UNC79: variants seen among roughly 807,000 people sequenced by gnomAD.
UNC79 encodes the protein unc-79 subunit of NALCN channel complex, also known as protein unc-79 homolog.
UNC79 carries 37 observed loss-of-function variants against 283.1 expected under a neutral mutation model. That is an observed-to-expected ratio of 0.13 (90% CI 0.10 to 0.17). The LOEUF is 0.17. Ranked by LOEUF, UNC79 falls within the 10% of genes least tolerant of loss-of-function variation. The probability of loss-of-function intolerance (pLI) is 1.00; values close to 1 mark genes in which losing one functional copy is unlikely to be tolerated. For missense variants in UNC79, 2,272 were observed against 3,211.1 expected, an observed-to-expected ratio of 0.71 and a Z score of 7.07; for synonymous variants, 1,107 against 1,200.2, an observed-to-expected ratio of 0.92 and a Z score of 1.61.
At chr14:93,439,676 T>C (rs1265679107) in intron 1 of UNC79, among the ~76,000 whole-genome samples, 1 of 152,166 alleles carries the variant, frequency 6.6e-6, no homozygotes, top group African/African-American at 2.4e-5. Flanking sequence ...GCATTGGTGT[T>C]ATCTGATCTT....
chr14:93,349,281 A>G (rs1431331331), intron 1 of UNC79, among the ~76,000 whole-genome samples: 4 of 152,240 alleles, frequency 2.6e-5, no homozygotes, highest in Non-Finnish European at 5.9e-5. Context: ...AGAAACACAT[A>G]TTCACCTGGC....
At chr14:93,367,006 T>G (rs762221000) in intron 1 of UNC79, among the ~76,000 whole-genome samples, 8 of 152,212 alleles carry the variant, frequency 5.3e-5, no homozygotes, top group Non-Finnish European at 1.2e-4. Flanking sequence ...CTGAGCCTCT[T>G]GTTTCACAGA....
intron 1 of UNC79, among the ~76,000 whole-genome samples, chr14:93,445,897 A>G (rs917587174): frequency 6.6e-6 from 1 of 152,130 alleles, no homozygotes; most frequent in Non-Finnish European, 1.5e-5. Flanking sequence ...AAATTTGTCT[A>G]GTTGCCATTT....
intron 14 of UNC79, among the ~76,000 whole-genome samples, chr14:93,548,407 G>GAC (rs1449351954): frequency 6.6e-6 from 1 of 152,144 alleles, no homozygotes; most frequent in East Asian, 1.9e-4. Context: ...ACTTTGCGGG[G>GAC]ACACAAATAT....
chr14:93,333,586 AAAAT>A, intron 1 of UNC79: 1 of 395,482 alleles, frequency 2.5e-6, no homozygotes, highest in East Asian at 3.6e-5. Context: ...AGTAGGTTAA[AAAAT>A]AATCTTTAAG....
At chr14:93,685,372 C>T (rs951607862) in intron 42 of UNC79, among the ~76,000 whole-genome samples, 6 of 152,012 alleles carry the variant, frequency 3.9e-5, no homozygotes, top group East Asian at 3.9e-4. Flanking sequence ...CTTTCTTGCA[C>T]GAAAGGATTA....
intron 10 of UNC79, among the ~76,000 whole-genome samples, chr14:93,529,629 G>A (rs1013982041): frequency 6.6e-6 from 1 of 152,152 alleles, no homozygotes; most frequent in Non-Finnish European, 1.5e-5. Flanking sequence ...AACAGGTGTT[G>A]TCAGTGATAA....
At chr14:93,510,709 C>T (rs2059777262) in intron 7 of UNC79, among the ~76,000 whole-genome samples, 2 of 152,178 alleles carry the variant, frequency 1.3e-5, no homozygotes, top group South Asian at 4.1e-4. Flanking sequence ...GCCTGGAATT[C>T]ATTGTCCATA....
intron 1 of UNC79, among the ~76,000 whole-genome samples, chr14:93,368,087 A>T (rs2139958483): frequency 6.6e-6 from 1 of 152,242 alleles, no homozygotes; most frequent in East Asian, 1.9e-4. Flanking sequence ...TTATCCTGGG[A>T]CCTTTAGTTA....
chr14:93,383,364 T>C (rs2054703832), intron 1 of UNC79, among the ~76,000 whole-genome samples: 1 of 152,172 alleles, frequency 6.6e-6, no homozygotes, highest in Non-Finnish European at 1.5e-5. Flanking sequence ...TCTAATAATC[T>C]ACAGGCATAC....
intron 4 of UNC79, among the ~76,000 whole-genome samples, chr14:93,485,527 A>G (rs1343027446): frequency 6.6e-6 from 1 of 152,104 alleles, no homozygotes; most frequent in Non-Finnish European, 1.5e-5. Flanking sequence ...CTTTGGCCCC[A>G]AAGAAGCTGA....
intron 2 of UNC79, among the ~76,000 whole-genome samples, chr14:93,472,591 G>A (rs903666095): frequency 3.3e-5 from 5 of 151,996 alleles, no homozygotes; most frequent in African/African-American, 4.8e-5. Flanking sequence ...AAAGGAAATC[G>A]AGGTAAATTA....
chr14:93,447,827 T>G (rs2056510015), intron 1 of UNC79, among the ~76,000 whole-genome samples: 1 of 152,148 alleles, frequency 6.6e-6, no homozygotes, highest in Non-Finnish European at 1.5e-5. Flanking sequence ...GCCTTCTTGG[T>G]TTCAGAGGTG....
At chr14:93,502,354 A>G (rs12588141) in intron 7 of UNC79, among the ~76,000 whole-genome samples, 46,717 of 151,976 alleles carry the variant, frequency 0.31, 7,541 homozygotes, top group East Asian at 0.65. Context: ...CGGAGTTTGC[A>G]GTGAGCTGAG....
intron 10 of UNC79, among the ~76,000 whole-genome samples, chr14:93,530,774 C>T (rs773254315): frequency 5.7e-4 from 87 of 151,532 alleles, no homozygotes; most frequent in South Asian, 3.1e-3. Context: ...CCGGGCGTGG[C>T]GGCGGGCACC....
chr14:93,689,047 C>A, intron 44 of UNC79: 1 of 509,936 alleles, frequency 2.0e-6, no homozygotes, highest in Non-Finnish European at 3.2e-6. Context: ...ATAAACCTGT[C>A]CTCCCACAAA....
chr14:93,342,413 A>G (rs531542859), intron 1 of UNC79, among the ~76,000 whole-genome samples: 10 of 152,308 alleles, frequency 6.6e-5, no homozygotes, highest in African/African-American at 2.2e-4. Context: ...GCACAGAGAA[A>G]CAGGGTCCTG....
intron 2 of UNC79, among the ~76,000 whole-genome samples, chr14:93,469,885 G>GATAA (rs1226221914): frequency 2.0e-5 from 3 of 151,894 alleles, no homozygotes; most frequent in East Asian, 1.9e-4. Flanking sequence ...CTATCTCTAA[G>GATAA]ATAAATAAAT....
intron 14 of UNC79, among the ~76,000 whole-genome samples, chr14:93,556,622 A>G (rs1476921342): frequency 6.6e-6 from 1 of 152,000 alleles, no homozygotes; most frequent in Non-Finnish European, 1.5e-5. Flanking sequence ...CCTCTCATGC[A>G]GGGCAGTGAG....
Sources: gnomAD v4.1 joint callset for allele counts (sites outside exome capture counted in the v4.1 genomes callset) on GRCh38, gnomAD v4.1.1 for gene constraint, MANE v1.5 for transcripts, NCBI Gene and HGNC (gene_info 2026-07-23, HGNC 2026-07-21) for gene names.